Variants in FGF10 observed in about 807,000 individuals in gnomAD.
FGF10 encodes FGF-10.
FGF10 carries 2 observed loss-of-function variants against 19.8 expected under a neutral mutation model. The observed-to-expected ratio is 0.10, with a 90% CI of 0.04 to 0.32. The LOEUF is 0.32. Ranked by LOEUF, FGF10 falls within the 10% of genes least tolerant of loss-of-function variation. The pLI, the probability that FGF10 is intolerant of heterozygous loss-of-function variation, is 1.00. For synonymous variants in FGF10, 112 were observed against 94.0 expected (o/e 1.19, Z -1.10); for missense variants, 191 against 246.3 (o/e 0.78, Z 1.50).
At chr5:44,351,152 G>T (rs987460327) in intron 1 of FGF10, among the ~76,000 whole-genome samples, 8 of 151,384 alleles carry the variant, frequency 5.3e-5, no homozygotes, top group African/African-American at 1.9e-4. Context: ...TTTTTCTTTA[G>T]GAAGAAGATG....
intron 1 of FGF10, among the ~76,000 whole-genome samples, chr5:44,344,520 C>CA (rs1741039025): frequency 7.2e-6 from 1 of 138,440 alleles, no homozygotes. Context: ...AAAAGTTAAC[C>CA]TTTTTTTTTT....
At chr5:44,344,743 G>C (rs1422878118) in intron 1 of FGF10, among the ~76,000 whole-genome samples, 1 of 151,674 alleles carries the variant, frequency 6.6e-6, no homozygotes, top group East Asian at 1.9e-4. Flanking sequence ...TTTCAGCATT[G>C]TTATGATTTT....
At chr5:44,348,698 A>T (rs1405425850) in intron 1 of FGF10, among the ~76,000 whole-genome samples, 1 of 151,536 alleles carries the variant, frequency 6.6e-6, no homozygotes, top group East Asian at 1.9e-4. Context: ...GTGTATTTAT[A>T]TTACATGCAA....
chr5:44,326,582 A>G, intron 1 of FGF10, among the ~76,000 whole-genome samples: 1 of 150,180 alleles, frequency 6.7e-6, no homozygotes, highest in East Asian at 2.0e-4. Context: ...TTTTTTTAAT[A>G]TTGTTTGTAG....
intron 1 of FGF10, among the ~76,000 whole-genome samples, chr5:44,325,677 T>C (rs1007973872): frequency 7.1e-6 from 1 of 141,360 alleles, no homozygotes; most frequent in African/African-American, 2.7e-5. Flanking sequence ...TAGGTGGGAA[T>C]TGAACAATGA....
intron 1 of FGF10, among the ~76,000 whole-genome samples, chr5:44,339,465 T>C (rs1232159501): frequency 6.6e-6 from 1 of 152,210 alleles, no homozygotes; most frequent in Non-Finnish European, 1.5e-5. Flanking sequence ...AGGCGTTCTG[T>C]TGGGGATAAG....
chr5:44,351,251 T>C (rs1179443952), intron 1 of FGF10, among the ~76,000 whole-genome samples: 4 of 151,512 alleles, frequency 2.6e-5, no homozygotes, highest in South Asian at 2.1e-4. Flanking sequence ...ACAGTATGTG[T>C]CAATTTTCTT....
At chr5:44,333,273 T>C (rs185720558) in intron 1 of FGF10, among the ~76,000 whole-genome samples, 1 of 152,262 alleles carries the variant, frequency 6.6e-6, no homozygotes, top group African/African-American at 2.4e-5. Flanking sequence ...TATAGCTAGA[T>C]GCACTTAACT....
At position 44,359,372 on chromosome 5, in the gene FGF10, T is replaced by C. The variant is rs78454549; in HGVS notation, c.325+28986A>G. Among the ~76,000 whole-genome samples the C allele has an allele frequency of 5.1e-3, 779 of 151,604 alleles. 43 individuals are homozygous for C. In the East Asian group the frequency reaches 0.13, roughly 26 times the overall value. ...TTCTGAATCCTACAGGGAAATCAAT[T>C]CTTAATTACTCTTCCTGACATTTGT... On this transcript the variant is annotated intron_variant, in intron 1 of 2. Transcript: ENST00000264664.
rs542780011 is a variant in FGF10 at position 44,329,655 on chromosome 5, A to G, written c.326-19125T>C. On this transcript the variant is annotated intron_variant, in intron 1 of 2. Transcript: ENST00000264664. The stretch of plus-strand genomic sequence containing the variant: ...ACAAAAATGAGCATGTACCCAATAT[A>G]AGAAACATTTGCTTTGAAATTGATG... Among the ~76,000 whole-genome samples, 3 of 152,306 alleles carry G rather than the reference A, an allele frequency of 2.0e-5. No homozygotes were observed. In the South Asian group the frequency reaches 6.2e-4, roughly 32 times the overall value.
intron 1 of FGF10, among the ~76,000 whole-genome samples, chr5:44,385,075 C>T (rs1742068131): frequency 6.6e-6 from 1 of 152,042 alleles, no homozygotes; most frequent in Non-Finnish European, 1.5e-5. Flanking sequence ...AAGGGCAAAG[C>T]TCTAGATGTA....
intron 1 of FGF10, among the ~76,000 whole-genome samples, chr5:44,345,598 C>T (rs749625003): frequency 2.7e-5 from 4 of 148,600 alleles, no homozygotes; most frequent in Non-Finnish European, 4.5e-5. Context: ...GAAAGTTTTT[C>T]CCCATTGTTT....
intron 1 of FGF10, among the ~76,000 whole-genome samples, chr5:44,339,736 C>T (rs954073237): frequency 1.2e-4 from 18 of 152,110 alleles, no homozygotes; most frequent in African/African-American, 3.9e-4. Flanking sequence ...TGCTGTTCAG[C>T]TCCTCACCTT....
At chr5:44,360,602 T>C (rs570281336) in intron 1 of FGF10, among the ~76,000 whole-genome samples, 7 of 151,780 alleles carry the variant, frequency 4.6e-5, no homozygotes, top group African/African-American at 4.8e-5. Context: ...ATTAATTTTA[T>C]ATGTCATTTC....
At position 44,308,304 on chromosome 5, in the gene FGF10, C is replaced by A. The variant is rs371942498; in HGVS notation, c.429+2123G>T. Among the ~76,000 whole-genome samples, 18 of 152,210 alleles carry A rather than the reference C, an allele frequency of 1.2e-4. No homozygotes were observed. The East Asian group carries it at 1.7e-3, about 15-fold the overall frequency. On this transcript the variant is annotated intron_variant, in intron 2 of 2. Transcript: ENST00000264664. ...TGTCAGAGTTTATTTGAAAGTTATCCATTTCTCCTTGATGTCATGTTTTTA... is the reference window on the plus strand; with the variant it reads ...TGTCAGAGTTTATTTGAAAGTTATCAATTTCTCCTTGATGTCATGTTTTTA...
chr5:44,321,385 A>C (rs1451477871), intron 1 of FGF10, among the ~76,000 whole-genome samples: 1 of 152,192 alleles, frequency 6.6e-6, no homozygotes, highest in African/African-American at 2.4e-5. Flanking sequence ...TATATTTTTC[A>C]GGAGGATGTG....
chr5:44,374,520 T>C (rs1381293217), intron 1 of FGF10, among the ~76,000 whole-genome samples: 1 of 152,152 alleles, frequency 6.6e-6, no homozygotes, highest in Non-Finnish European at 1.5e-5. Context: ...TAAAATATTT[T>C]AATAATAATG....
At chr5:44,311,398 C>T (rs1579894883) in intron 1 of FGF10, among the ~76,000 whole-genome samples, 1 of 152,044 alleles carries the variant, frequency 6.6e-6, no homozygotes, top group South Asian at 2.1e-4. Context: ...TATTTCATAA[C>T]TCTCAGCAGT....
At chr5:44,363,376 A>T (rs931357609) in intron 1 of FGF10, among the ~76,000 whole-genome samples, 1 of 151,894 alleles carries the variant, frequency 6.6e-6, no homozygotes, top group Non-Finnish European at 1.5e-5. Context: ...TTTAACCTTC[A>T]TAAGGAAATA....
Sources: gnomAD v4.1 joint callset for allele counts (sites outside exome capture counted in the v4.1 genomes callset) on GRCh38, gnomAD v4.1.1 for gene constraint, MANE v1.5 for transcripts, NCBI Gene and HGNC (gene_info 2026-07-23, HGNC 2026-07-21) for gene names.